The following PDE5A variants were observed in gnomAD, a reference collection of about 807,000 sequenced individuals.
The protein encoded by PDE5A is cGMP-specific 3',5'-cyclic phosphodiesterase.
PDE5A carries 67 observed loss-of-function variants against 110.2 expected under a neutral mutation model. The ratio of observed to expected loss-of-function variants is 0.61; its 90% CI spans 0.50 to 0.75. The LOEUF (loss-of-function observed/expected upper bound fraction) is 0.75, where lower values mean the gene tolerates loss of function less well. Among genes scored for constraint, PDE5A ranks in the 30% least tolerant of loss-of-function variants. The pLI is 0.00. For synonymous variants in PDE5A, 328 were observed against 351.2 expected (o/e 0.93, Z 0.74); for missense variants, 862 against 1,045.1 (o/e 0.82, Z 2.42).
intron 11 of PDE5A, among the ~76,000 whole-genome samples, chr4:119,537,888 A>G (rs1413768102): frequency 6.6e-6 from 1 of 152,106 alleles, no homozygotes; most frequent in Non-Finnish European, 1.5e-5. Context: ...TTTTGTGTAA[A>G]AGAGAGTGGA....
At chr4:119,563,803 T>C (rs887686215) in intron 5 of PDE5A, among the ~76,000 whole-genome samples, 2 of 152,028 alleles carry the variant, frequency 1.3e-5, no homozygotes, top group African/African-American at 4.8e-5. Flanking sequence ...CATCTGTTTG[T>C]AAAAATGGGG....
intron 11 of PDE5A, among the ~76,000 whole-genome samples, chr4:119,534,551 C>A (rs1726667306): frequency 6.6e-6 from 1 of 152,092 alleles, no homozygotes; most frequent in Admixed American, 6.5e-5. Context: ...TCCACAAAAT[C>A]AGTCCCTGGT....
In PDE5A at chr4:119,627,173, C is replaced by T; in HGVS notation, c.152+1347G>A. The T allele has an allele frequency of 1.2e-6, 2 of 1,613,208 alleles. No individual in the cohort carries two copies. The highest frequency in any genetic ancestry group is 1.7e-6 in the Non-Finnish European group (2 of 1,179,532). ...ACCTTGTTTTGTCTCCAAAGGGCAA[C>T]ATAGCAAACGTGGGAAGTTCGTTTT... On this transcript the variant is annotated intron_variant, in intron 1 of 20. Transcript: ENST00000354960. This position sits in a 1 kb window ranked among gnomAD's most constrained non-coding sequence, Gnocchi z 4.6.
chr4:119,505,377 G>A (rs1481810128), intron 17 of PDE5A, among the ~76,000 whole-genome samples: 1 of 151,860 alleles, frequency 6.6e-6, no homozygotes, highest in African/African-American at 2.4e-5. Context: ...TTTCAGCTGT[G>A]TTCCACTGGT....
intron 3 of PDE5A, among the ~76,000 whole-genome samples, chr4:119,570,253 T>C (rs989798059): frequency 1.3e-5 from 2 of 152,192 alleles, no homozygotes; most frequent in Non-Finnish European, 2.9e-5. Context: ...AATTAGATCA[T>C]TGTCTTTAAA....
chr4:119,592,168 A>AAAT (rs1483427672), intron 3 of PDE5A, among the ~76,000 whole-genome samples: 8 of 121,842 alleles, frequency 6.6e-5, no homozygotes, highest in Non-Finnish European at 1.4e-4. Flanking sequence ...AAAAAAAAAA[A>AAAT]AAAAAAGCCG....
chr4:119,596,565 T>C lies in PDE5A; in HGVS notation c.789A>G (p.Thr263=). 1 of 1,602,770 alleles carries C rather than the reference T, an allele frequency of 6.2e-7. No individual in the cohort carries two copies. Among genetic ancestry groups the C allele is most frequent in the Non-Finnish European group, 8.5e-7 (1 of 1,174,522 alleles). The change falls in exon 3 of 21, where the codon ACA becomes ACG. Residue 263 remains threonine (T), a synonymous_variant. Coordinates refer to ENST00000354960, the MANE Select transcript of PDE5A (RefSeq NM_001083.4). ...TAATTGGCATACAAAGAATGCTTTG[T>C]GTCTTGTAGCCTGTAATTTGGTCAA... ...AEVDQITGYK[T]QSILCMPIKN...
At chr4:119,501,029 A>G (rs1156317364) in intron 20 of PDE5A, 141 bp downstream of exon 20, 5 of 598,828 alleles carry the variant, frequency 8.3e-6, no homozygotes, top group Non-Finnish European at 1.5e-5. Flanking sequence ...CATGTTCATC[A>G]GTAAAAGAAA....
intron 19 of PDE5A, among the ~76,000 whole-genome samples, chr4:119,501,929 A>G (rs372808267): frequency 6.6e-6 from 1 of 151,560 alleles, no homozygotes; most frequent in Non-Finnish European, 1.5e-5. Flanking sequence ...AGTGTTCACT[A>G]TTACAAACAG....
rs1047087741 is a variant in PDE5A, at chr4:119,525,852, ACT to A, written c.1633-159_1633-158del. ...AACCTTTTTGTACAGTGGCAACTCC[ACT>A]CTCTGCATTTTTAAAACTGAGCCAC... On this transcript the variant is annotated intron_variant, in intron 11 of 20. Coordinates refer to ENST00000354960, the MANE Select transcript of PDE5A (RefSeq NM_001083.4). The surrounding 1 kb of genome is among the most constrained non-coding windows in gnomAD (Gnocchi z 4.3). Among the ~76,000 whole-genome samples, 8 of 151,728 alleles carry A rather than the reference ACT, an allele frequency of 5.3e-5. No homozygotes were observed. The highest frequency in any genetic ancestry group is 7.4e-5 in the Non-Finnish European group (5 of 67,942).
chr4:119,560,404 G>T (rs748936789), intron 6 of PDE5A, 41 bp from the exon 7 acceptor site: 21 of 1,380,244 alleles, frequency 1.5e-5, no homozygotes, highest in Non-Finnish European at 2.1e-5. Context: ...AGTTTGACAA[G>T]GTAATGAAAA....
At chr4:119,500,988 A>C (rs1725300499) in intron 20 of PDE5A, 182 bp downstream of exon 20, 1 of 571,690 alleles carries the variant, frequency 1.7e-6, no homozygotes, top group Non-Finnish European at 3.1e-6. Flanking sequence ...CACTCAATAG[A>C]TATTAGTATG....
At chr4:119,517,353 T>A (rs750837129) in intron 14 of PDE5A, among the ~76,000 whole-genome samples, 15 of 152,182 alleles carry the variant, frequency 9.9e-5, no homozygotes, top group Non-Finnish European at 1.9e-4. Context: ...TTCCTGGGTC[T>A]CCTGGCTAAG....
intron 1 of PDE5A, among the ~76,000 whole-genome samples, chr4:119,626,369 G>C (rs1730345915): frequency 1.3e-5 from 2 of 152,112 alleles, no homozygotes; most frequent in Admixed American, 6.5e-5. Context: ...TCTATGACTA[G>C]TCAAAAACGA....
rs1726970784 is a variant in PDE5A at position 119,542,553 on chromosome 4, T to C, written c.1478A>G (p.Glu493Gly). ...CAAGCCACAAAAGATGACAAAAGCT[T>C]CCAGAAACTGTTCGTCATTTCGGTT... ...PFNRNDEQFL[E>G]AFVIFCGLGI... The change falls in exon 10 of 21, where the codon GAA (glutamate) becomes GGA (glycine). Residue 493 changes from glutamate (E) to glycine (G), a missense_variant. Coordinates refer to ENST00000354960, the MANE Select transcript of PDE5A (RefSeq NM_001083.4). 1 of 1,613,934 alleles carries C rather than the reference T, an allele frequency of 6.2e-7. No individual in the cohort carries two copies. The highest frequency in any genetic ancestry group is 1.7e-5 in the Admixed American group (1 of 59,982).
At chr4:119,607,448 T>G in intron 1 of PDE5A, 151 bp from the exon 2 acceptor site, 2 of 630,130 alleles carry the variant, frequency 3.2e-6, no homozygotes, top group South Asian at 4.4e-5. Context: ...TTAAGACATA[T>G]GATTTTGGCC....
rs1327632503 is a variant in PDE5A at position 119,588,070 on chromosome 4, C to T, written c.831+8453G>A. 3.3e-5 allele frequency among the ~76,000 whole-genome samples: 5 copies of T among 152,138 alleles called. No individual in the cohort carries two copies. In the South Asian group the frequency reaches 6.2e-4, roughly 19 times the overall value. On this transcript the variant is annotated intron_variant, in intron 3 of 20. Coordinates refer to ENST00000354960, the MANE Select transcript of PDE5A (RefSeq NM_001083.4). The stretch of plus-strand genomic sequence containing the variant: ...AGCTTCCCTAGTTCAGTCTTTCCTT[C>T]GAACTTGTGTGTTGAATATTGGACT...
intron 14 of PDE5A, among the ~76,000 whole-genome samples, chr4:119,511,359 G>A (rs886573727): frequency 3.3e-5 from 5 of 151,924 alleles, no homozygotes; most frequent in Non-Finnish European, 7.4e-5. Context: ...CCAGAGTAAA[G>A]TATGAACAAT....
At chr4:119,592,456 TAAAAAAAAAAAAA>T (rs55997249) in intron 3 of PDE5A, among the ~76,000 whole-genome samples, 6 of 66,184 alleles carry the variant, frequency 9.1e-5, no homozygotes, top group South Asian at 6.1e-4. Context: ...AGACTCTGTT[TAAAAAAAAAAAAA>T]AAAAAAAAAA....
Sources: gnomAD v4.1 joint callset for allele counts (sites outside exome capture counted in the v4.1 genomes callset) on GRCh38, gnomAD v4.1.1 for gene constraint, Gnocchi (gnomAD v3.1) non-coding constraint, MANE v1.5 for transcripts, NCBI Gene and HGNC (gene_info 2026-07-23, HGNC 2026-07-21) for gene names.